The following PTPRS variants were observed in gnomAD, a reference collection of about 807,000 sequenced individuals.
PTPRS encodes the protein protein tyrosine phosphatase receptor type S, also known as receptor-type tyrosine-protein phosphatase S.
In PTPRS, 63 loss-of-function variants were observed where a neutral mutation model predicts 215.3. The observed-to-expected ratio is 0.29, with a 90% CI of 0.24 to 0.36. The LOEUF (loss-of-function observed/expected upper bound fraction) is 0.36, where lower values mean the gene tolerates loss of function less well. Ranked by LOEUF, PTPRS falls within the 10% of genes least tolerant of loss-of-function variation. The pLI is 1.00. For missense variants in PTPRS, 2,258 were observed against 2,825.8 expected (o/e 0.80, Z 4.56); for synonymous variants, 1,404 against 1,191.4 (o/e 1.18, Z -3.68).
At position 5,338,782 on chromosome 19, in the gene PTPRS, C is replaced by G. The variant is rs1222297687; in HGVS notation, c.-95+1882G>C. On this transcript the variant is annotated intron_variant, in intron 1 of 37. Coordinates refer to ENST00000262963, the MANE Select transcript of PTPRS (RefSeq NM_002850.4). This position sits in a 1 kb window ranked among gnomAD's most constrained non-coding sequence, Gnocchi z 4.2. ...AGTCCCTGGGCCATTAATAAACGCT[C>G]CAGCAGCTGCCGCTGGTATCGCAGG... Among the ~76,000 whole-genome samples, 1 of 152,148 alleles carries G rather than the reference C, an allele frequency of 6.6e-6. No individual in the cohort carries two copies. The highest frequency in any genetic ancestry group is 2.4e-5 in the African/African-American group (1 of 41,428).
intron 14 of PTPRS, 60 bp from the exon 15 acceptor site, chr19:5,229,744 GC>G (rs1429454640): frequency 2.8e-6 from 3 of 1,070,290 alleles, no homozygotes; most frequent in Non-Finnish European, 3.6e-6. Flanking sequence ...GCCCGGCCCT[GC>G]CCCGGGCAGT....
At chr19:5,275,818 C>G (rs1193784599) in intron 2 of PTPRS, among the ~76,000 whole-genome samples, 1 of 151,606 alleles carries the variant, frequency 6.6e-6, no homozygotes, top group Non-Finnish European at 1.5e-5. Context: ...AAAACAAAAA[C>G]AAAAACAAAA....
intron 5 of PTPRS, among the ~76,000 whole-genome samples, chr19:5,264,488 T>A (rs890252088): frequency 2.0e-5 from 3 of 152,198 alleles, no homozygotes; most frequent in African/African-American, 7.2e-5. Flanking sequence ...GCTTTCTTTC[T>A]TTTCAGAGAT....
intron 32 of PTPRS, 87 bp from the exon 33 acceptor site, chr19:5,211,855 G>T: frequency 1.9e-6 from 3 of 1,575,686 alleles, no homozygotes; most frequent in Non-Finnish European, 2.6e-6. Context: ...TAGGTAGGTA[G>T]GGGCACCCTG....
intron 3 of PTPRS, 53 bp downstream of exon 3, chr19:5,274,146 C>T (rs367749828): frequency 2.5e-6 from 4 of 1,573,678 alleles, no homozygotes; most frequent in African/African-American, 2.7e-5. Context: ...GGTGCTGTGG[C>T]CCTGCCTTGG....
intron 28 of PTPRS, among the ~76,000 whole-genome samples, 160 bp downstream of exon 28, chr19:5,215,129 T>A (rs2041303468): frequency 6.6e-6 from 1 of 152,196 alleles, no homozygotes; most frequent in Non-Finnish European, 1.5e-5. Context: ...AGAGCAGCCA[T>A]CAGTTAAATA....
chr19:5,262,251 G>T (rs1297747096), intron 6 of PTPRS, among the ~76,000 whole-genome samples: 1 of 152,112 alleles, frequency 6.6e-6, no homozygotes, highest in African/African-American at 2.4e-5. Flanking sequence ...CTCCAGCCTG[G>T]GTGACAGATT....
chr19:5,238,483 T>C (rs1236343687), intron 13 of PTPRS, among the ~76,000 whole-genome samples: 1 of 152,062 alleles, frequency 6.6e-6, no homozygotes, highest in East Asian at 1.9e-4. Flanking sequence ...CTCTGTGTCC[T>C]TTGCTCTGAG....
rs760581722 is a variant in PTPRS, at chr19:5,206,861, C to T, written c.5779-19G>A. 16 of 1,611,502 alleles carry T rather than the reference C, an allele frequency of 9.9e-6. No homozygotes were observed. The East Asian group carries it at 3.6e-4, about 36-fold the overall frequency. ...ACTCATCCTGGGGGAGCAGAGGTGA[C>T]CTGTTAGTACCTCCGCTGCTCTAAC... On this transcript the variant is annotated intron_variant, in intron 37 of 37. Coordinates refer to ENST00000262963, the MANE Select transcript of PTPRS (RefSeq NM_002850.4).
chr19:5,232,901 A>G (rs2043136329), intron 13 of PTPRS, among the ~76,000 whole-genome samples: 1 of 150,594 alleles, frequency 6.6e-6, no homozygotes, highest in Admixed American at 6.6e-5. Context: ...GCCAGCGCCA[A>G]GGGCTTCACA....
At chr19:5,309,105 CCACCAAAAA>C (rs1251818479) in intron 1 of PTPRS, among the ~76,000 whole-genome samples, 3 of 152,210 alleles carry the variant, frequency 2.0e-5, no homozygotes, top group Non-Finnish European at 2.9e-5. Flanking sequence ...AGCCTGGAAA[CCACCAAAAA>C]CTGGAGCTGG....
intron 16 of PTPRS, among the ~76,000 whole-genome samples, chr19:5,226,592 AAAG>A (rs1314891211): frequency 6.6e-6 from 1 of 151,592 alleles, no homozygotes; most frequent in African/African-American, 2.4e-5. Flanking sequence ...AAAAAAAAAA[AAAG>A]CAAAAAAGCC....
At position 5,338,578 on chromosome 19, in the gene PTPRS, T is replaced by C. The variant is rs1408321101; in HGVS notation, c.-95+2086A>G. 6.6e-6 allele frequency among the ~76,000 whole-genome samples: 1 copy of C among 151,958 alleles called. No individual in the cohort carries two copies. The highest frequency in any genetic ancestry group is 1.5e-5 in the Non-Finnish European group (1 of 67,974). The stretch of plus-strand genomic sequence containing the variant: ...GCCCAAGCTGGGGGGCTGTGGGATT[T>C]GAGGGCGGGAAGCAGCCGCCCCCAG... On this transcript the variant is annotated intron_variant, in intron 1 of 37. Transcript: ENST00000262963. This position sits in a 1 kb window ranked among gnomAD's most constrained non-coding sequence, Gnocchi z 4.2.
chr19:5,246,910 A>C (rs923001084), intron 9 of PTPRS, among the ~76,000 whole-genome samples: 5 of 152,094 alleles, frequency 3.3e-5, no homozygotes, highest in African/African-American at 4.8e-5. Flanking sequence ...AGAGAAAGAG[A>C]GAGCGAGCGA....
intron 13 of PTPRS, among the ~76,000 whole-genome samples, chr19:5,238,420 G>C (rs142079301): frequency 6.6e-5 from 10 of 152,244 alleles, no homozygotes; most frequent in African/African-American, 1.9e-4. Flanking sequence ...GGGGTCTTGA[G>C]AGCCAAGGCT....
rs1218737125 is a variant in PTPRS, at chr19:5,287,756, G to C, written c.-94-1522C>G. On this transcript the variant is annotated intron_variant, in intron 1 of 37. Transcript: ENST00000262963. This position sits in a 1 kb window ranked among gnomAD's most constrained non-coding sequence, Gnocchi z 4.8. ...CAGCCTAGGGTGACGAACGGGATTC[G>C]GGGGGCCTCAGTGTACATAGTTAGG... Among the ~76,000 whole-genome samples, 1 of 152,072 alleles carries C rather than the reference G, an allele frequency of 6.6e-6. No individual in the cohort carries two copies. Among genetic ancestry groups the C allele is most frequent in the Non-Finnish European group, 1.5e-5 (1 of 67,994 alleles).
chr19:5,235,315 A>G (rs1342730575), intron 13 of PTPRS, among the ~76,000 whole-genome samples: 1 of 151,904 alleles, frequency 6.6e-6, no homozygotes, highest in Non-Finnish European at 1.5e-5. Flanking sequence ...CTGTAACAGC[A>G]CCTGGCACCG....
chr19:5,246,479 G>A (rs986717638), intron 9 of PTPRS, among the ~76,000 whole-genome samples: 1 of 152,234 alleles, frequency 6.6e-6, no homozygotes, highest in Non-Finnish European at 1.5e-5. Flanking sequence ...TTTGCAGACA[G>A]CAGTGGCTTC....
chr19:5,240,648 G>A (rs1221920923), intron 11 of PTPRS, among the ~76,000 whole-genome samples: 1 of 151,686 alleles, frequency 6.6e-6, no homozygotes, highest in Admixed American at 6.6e-5. Context: ...GACCATCCTG[G>A]CTAACATGGT....
Sources: allele counts gnomAD v4.1 joint callset (sites outside exome capture counted in the v4.1 genomes callset), GRCh38; gene constraint gnomAD v4.1.1; non-coding constraint Gnocchi (gnomAD v3.1); transcripts MANE v1.5; gene names NCBI Gene and HGNC (gene_info 2026-07-23, HGNC 2026-07-21).